CFAP20DC: variants seen among roughly 807,000 people sequenced by gnomAD.
CFAP20DC encodes the protein protein CFAP20DC.
Under a neutral mutation model 101.7 loss-of-function variants are expected in CFAP20DC, and 84 were observed. The ratio of observed to expected loss-of-function variants is 0.83; its 90% CI spans 0.69 to 0.99. CFAP20DC has a LOEUF of 0.99. CFAP20DC is among the 50% of genes least tolerant of loss of function. The probability of loss-of-function intolerance (pLI) is 0.00; values close to 1 mark genes in which losing one functional copy is unlikely to be tolerated. For synonymous variants in CFAP20DC, 359 were observed against 351.2 expected, an observed-to-expected ratio of 1.02 and a Z score of -0.25; for missense variants, 1,007 against 970.3, an observed-to-expected ratio of 1.04 and a Z score of -0.50.
chr3:58,722,154 T>C lies in CFAP20DC; in HGVS notation c.198-4526A>G, dbSNP rs1042991593. Among the ~76,000 whole-genome samples the C allele has an allele frequency of 3.3e-5, 5 of 152,202 alleles. No homozygotes were observed. The highest frequency in any genetic ancestry group is 2.1e-4 in the South Asian group (1 of 4,830). ...GGCCACATGTAGACCCTCTGGTCAA[T>C]GGTCCCAGCTAAAGCCCAGCCTCCG... On this transcript the variant is annotated intron_variant, in intron 3 of 3. Transcript: ENST00000486145. This position sits in a 1 kb window ranked among gnomAD's most constrained non-coding sequence, Gnocchi z 4.5.
intron 4 of CFAP20DC, among the ~76,000 whole-genome samples, chr3:58,950,672 A>G (rs1188428620): frequency 6.6e-6 from 1 of 152,218 alleles, no homozygotes; most frequent in African/African-American, 2.4e-5. Context: ...ACGATTCCCT[A>G]TTTAACAAAT....
intron 5 of CFAP20DC, among the ~76,000 whole-genome samples, chr3:58,927,289 C>G (rs1395492857): frequency 6.6e-6 from 1 of 152,070 alleles, no homozygotes; most frequent in Non-Finnish European, 1.5e-5. Flanking sequence ...TATTTGCAGC[C>G]TCTGGCTAAC....
At chr3:59,018,816 T>A (rs1289021999) in intron 4 of CFAP20DC, 1 of 152,118 alleles carries the variant, frequency 6.6e-6, no homozygotes, top group African/African-American at 2.4e-5. Context: ...TTGAAAATTG[T>A]ACTGTGGTCA....
rs957016111 is a variant in CFAP20DC, at chr3:58,861,216, T to C, written c.1593+2342A>G. The C allele has an allele frequency of 1.1e-5, 4 of 353,412 alleles. No homozygotes were observed. In the East Asian group the frequency reaches 5.0e-4, roughly 44 times the overall value. 21.9% of individuals were successfully genotyped at this position (353,412 alleles called of 1,614,324 possible). ...AATACATCTCATTTTCCTTTAAAAA[T>C]ACTCAATGGGCTAACATCAAATAAA... On this transcript the variant is annotated intron_variant, in intron 12 of 16. Transcript: ENST00000482387. The surrounding 1 kb of genome is among the most constrained non-coding windows in gnomAD (Gnocchi z 4.0).
At chr3:58,793,804 A>G (rs1376469812) in intron 15 of CFAP20DC, among the ~76,000 whole-genome samples, 2 of 152,210 alleles carry the variant, frequency 1.3e-5, no homozygotes, top group Non-Finnish European at 2.9e-5. Context: ...CTTTCATTTT[A>G]TCGTAGTATT....
rs113998462 is a variant in CFAP20DC at position 58,997,554 on chromosome 3, C to T, written c.278+42003G>A. ...AGAAGCCTCTAATGATGGCCTCAAG[C>T]TCATAGGCATTGTAGAGAAATGCAG... is the stretch of plus-strand genomic sequence containing the variant. On this transcript the variant is annotated intron_variant, in intron 4 of 16. Transcript: ENST00000482387. Among the ~76,000 whole-genome samples the T allele has an allele frequency of 2.7e-3, 410 of 152,294 alleles. 1 individual carries two copies. The highest frequency in any genetic ancestry group is 9.3e-3 in the African/African-American group (386 of 41,558).
intron 14 of CFAP20DC, among the ~76,000 whole-genome samples, chr3:58,824,742 T>A (rs1412456293): frequency 6.6e-6 from 1 of 152,174 alleles, no homozygotes; most frequent in Non-Finnish European, 1.5e-5. Flanking sequence ...CTCTGCAACA[T>A]GCCATGTTGA....
chr3:58,841,355 A>T (rs1232675395), intron 13 of CFAP20DC, among the ~76,000 whole-genome samples: 1 of 152,258 alleles, frequency 6.6e-6, no homozygotes, highest in Non-Finnish European at 1.5e-5. Flanking sequence ...GCTTGAACAA[A>T]GAGTATTATA....
At chr3:58,765,319 T>C (rs1389222416) in intron 15 of CFAP20DC, among the ~76,000 whole-genome samples, 1 of 151,946 alleles carries the variant, frequency 6.6e-6, no homozygotes, top group African/African-American at 2.4e-5. Context: ...CACATAACAT[T>C]ATATAAGAGC....
chr3:58,911,086 A>G (rs2084106220), intron 6 of CFAP20DC, among the ~76,000 whole-genome samples: 1 of 152,188 alleles, frequency 6.6e-6, no homozygotes, highest in South Asian at 2.1e-4. Flanking sequence ...TGCAAATTCT[A>G]GAATCAAAAA....
chr3:58,773,542 T>A (rs995746490), intron 15 of CFAP20DC, among the ~76,000 whole-genome samples: 1 of 152,072 alleles, frequency 6.6e-6, no homozygotes, highest in Non-Finnish European at 1.5e-5. Flanking sequence ...GGTGACAGAA[T>A]GAGACCTGGT....
chr3:58,864,838 G>C lies in CFAP20DC; in HGVS notation c.1259-946C>G, dbSNP rs947430581. On this transcript the variant is annotated intron_variant, in intron 11 of 16. Coordinates refer to ENST00000482387, the MANE Select transcript of CFAP20DC (RefSeq NM_001394063.1). The surrounding 1 kb of genome is among the most constrained non-coding windows in gnomAD (Gnocchi z 4.7). ...GAAAAAGGTCTTTAAGTTTACAAGAGACAATGTTTTGATATAAAAACCTTT... is the reference window on the plus strand; with the variant it reads ...GAAAAAGGTCTTTAAGTTTACAAGACACAATGTTTTGATATAAAAACCTTT... Among the ~76,000 whole-genome samples, 4 of 152,134 alleles carry C rather than the reference G, an allele frequency of 2.6e-5. No individual in the cohort carries two copies. The highest frequency in any genetic ancestry group is 9.7e-5 in the African/African-American group (4 of 41,426).
At chr3:58,851,360 G>A (rs1339072158) in intron 12 of CFAP20DC, among the ~76,000 whole-genome samples, 5 of 152,214 alleles carry the variant, frequency 3.3e-5, no homozygotes, top group Non-Finnish European at 7.3e-5. Context: ...GGCAATGGCA[G>A]TGATGATATA....
chr3:58,827,698 G>A (rs1290575456), intron 14 of CFAP20DC, among the ~76,000 whole-genome samples: 1 of 152,068 alleles, frequency 6.6e-6, no homozygotes, highest in Non-Finnish European at 1.5e-5. Flanking sequence ...TCCCTCTCAC[G>A]TGTTCCCATA....
intron 5 of CFAP20DC, among the ~76,000 whole-genome samples, chr3:58,931,441 G>C (rs1265054003): frequency 2.6e-5 from 4 of 152,200 alleles, no homozygotes; most frequent in African/African-American, 9.6e-5. Context: ...GCACACAGCT[G>C]GAGATCTAAG....
rs571045260 is a variant in CFAP20DC, at chr3:58,863,697, C to T, written c.1454G>A (p.Arg485Gln). ...KDIFTFSSRPRSAPHGKTQTM... is the reference protein window; with the variant it reads ...KDIFTFSSRPQSAPHGKTQTM... ...CTGAGTCTTTCCATGAGGTGCTGAT[C>T]GTGGTCTTGATGAAAAAGTGAAAAT... The change falls in exon 12 of 17, where the codon CGA (arginine) becomes CAA (glutamine). Residue 485 changes from arginine (R) to glutamine (Q), a missense_variant. Coordinates refer to ENST00000482387, the MANE Select transcript of CFAP20DC (RefSeq NM_001394063.1). The surrounding 1 kb of genome is among the most constrained non-coding windows in gnomAD (Gnocchi z 5.9). 1.4e-5 allele frequency: 23 copies of T among 1,614,116 alleles called. No homozygotes were observed. In the East Asian group the frequency reaches 2.2e-4, roughly 16 times the overall value.
At chr3:59,044,407 G>A (rs1164080400) in intron 3 of CFAP20DC, among the ~76,000 whole-genome samples, 1 of 151,988 alleles carries the variant, frequency 6.6e-6, no homozygotes, top group Non-Finnish European at 1.5e-5. Flanking sequence ...TATATAAACT[G>A]TTTCATTTGT....
chr3:58,837,022 C>T (rs1185903569), intron 13 of CFAP20DC, among the ~76,000 whole-genome samples: 3 of 152,030 alleles, frequency 2.0e-5, no homozygotes, highest in African/African-American at 4.8e-5. Flanking sequence ...GGCAGAAAAG[C>T]ATGGGGCAAC....
At chr3:58,871,369 C>T (rs558661768) in intron 7 of CFAP20DC, among the ~76,000 whole-genome samples, 1 of 151,978 alleles carries the variant, frequency 6.6e-6, no homozygotes, top group South Asian at 2.1e-4. Flanking sequence ...ACAAGGAATC[C>T]CTGAAGGTTT....
Sources: allele counts gnomAD v4.1 joint callset (sites outside exome capture counted in the v4.1 genomes callset), GRCh38; gene constraint gnomAD v4.1.1; non-coding constraint Gnocchi (gnomAD v3.1); transcripts MANE v1.5; gene names NCBI Gene and HGNC (gene_info 2026-07-23, HGNC 2026-07-21).